USP46: variants seen among roughly 807,000 people sequenced by gnomAD.
The protein encoded by USP46 is ubiquitin specific peptidase 46, also known as ubiquitin carboxyl-terminal hydrolase 46.
In USP46, 12 loss-of-function variants were observed where a neutral mutation model predicts 44.4. The observed-to-expected ratio is 0.27, with a 90% CI of 0.17 to 0.44. USP46 has a LOEUF of 0.44. Ranked by LOEUF, USP46 falls within the 20% of genes least tolerant of loss-of-function variation. USP46 has a pLI of 1.00. For missense variants in USP46, 248 were observed against 444.8 expected (o/e 0.56, Z 3.98); for synonymous variants, 155 against 161.5 (o/e 0.96, Z 0.31).
intron 1 of USP46, among the ~76,000 whole-genome samples, chr4:52,649,834 T>C (rs1326126921): frequency 6.6e-6 from 1 of 152,184 alleles, no homozygotes; most frequent in Non-Finnish European, 1.5e-5. Flanking sequence ...GAGTTGTCAG[T>C]CTAACATGGT....
At chr4:52,598,762 ACTCTACTTAG>A (rs1258748662) in intron 7 of USP46, 56 bp from the exon 8 acceptor site, 3 of 1,495,048 alleles carry the variant, frequency 2.0e-6, no homozygotes, top group Non-Finnish European at 2.7e-6. Context: ...TCTTTATAAA[ACTCTACTTAG>A]CTCTTTATAA....
intron 4 of USP46, among the ~76,000 whole-genome samples, chr4:52,619,984 T>C (rs1249108492): frequency 6.6e-6 from 1 of 152,154 alleles, no homozygotes; most frequent in Non-Finnish European, 1.5e-5. Context: ...CAGAAAGACA[T>C]ACCTGCACAC....
chr4:52,638,719 G>A (rs911142265), intron 1 of USP46, among the ~76,000 whole-genome samples: 1 of 151,286 alleles, frequency 6.6e-6, no homozygotes, highest in Admixed American at 6.6e-5. Context: ...GCCCAATACT[G>A]CGTTCTCAGT....
intron 7 of USP46, 85 bp from the exon 8 acceptor site, chr4:52,598,791 T>G: frequency 7.6e-7 from 1 of 1,317,514 alleles, no homozygotes; most frequent in Non-Finnish European, 1.1e-6. Context: ...AAGCAGTGAT[T>G]CTCTGGGAAA....
At chr4:52,610,719 G>A (rs919727888) in intron 4 of USP46, 102 bp from the exon 5 acceptor site, 8 of 1,089,950 alleles carry the variant, frequency 7.3e-6, no homozygotes, top group Middle Eastern at 2.0e-4. Context: ...AACCATAACT[G>A]CAGTTAAAGT....
chr4:52,610,939 C>T (rs560358026), intron 4 of USP46, among the ~76,000 whole-genome samples: 2 of 152,194 alleles, frequency 1.3e-5, no homozygotes, highest in Admixed American at 6.5e-5. Flanking sequence ...CCATATAGCC[C>T]AGATTGCAGA....
intron 1 of USP46, among the ~76,000 whole-genome samples, chr4:52,636,048 T>G (rs990620884): frequency 2.0e-5 from 3 of 152,104 alleles, no homozygotes; most frequent in African/African-American, 7.2e-5. Context: ...AAAAGGAAAT[T>G]CAGGCTGTAG....
chr4:52,652,857 G>A (rs1394069581), intron 1 of USP46, among the ~76,000 whole-genome samples: 1 of 152,104 alleles, frequency 6.6e-6, no homozygotes. Flanking sequence ...GAGTACACGA[G>A]TATTCACTCT....
chr4:52,628,254 G>A (rs796231426), intron 2 of USP46, 91 bp from the exon 3 acceptor site: 14 of 1,304,380 alleles, frequency 1.1e-5, no homozygotes, highest in Middle Eastern at 2.5e-4. Flanking sequence ...TCCCTGCTCC[G>A]TGAACTGGCC....
In USP46 at chr4:52,615,756, A is replaced by G. The variant is rs73815961; in HGVS notation, c.562-5139T>C. Among the ~76,000 whole-genome samples, 1,401 of 152,300 alleles carry G rather than the reference A, an allele frequency of 9.2e-3. 17 individuals carry two copies. Among genetic ancestry groups the G allele is most frequent in the African/African-American group, 0.032 (1,330 of 41,560 alleles). On this transcript the variant is annotated intron_variant, in intron 4 of 8. Coordinates refer to ENST00000441222, the MANE Select transcript of USP46 (RefSeq NM_022832.4). ...TTAACTGCCAGTCATGAGGGATCTT[A>G]CTGGTGTGATGAAAATTTTCTAAAA...
At chr4:52,599,631 GACAACTAAGC>G (rs1716383526) in intron 7 of USP46, among the ~76,000 whole-genome samples, 1 of 152,118 alleles carries the variant, frequency 6.6e-6, no homozygotes, top group Non-Finnish European at 1.5e-5. Flanking sequence ...AAGCAGAAAG[GACAACTAAGC>G]ACCTGTTACT....
Position 52,597,461 on chromosome 4 carries a change from A to C in USP46, c.*179T>G, listed in dbSNP as rs555880812. ...GTTAACTCTATGTCAGACTGAAATA[A>C]AACCAAGAGTAGTGCTGCATGTAAA... On this transcript the variant is annotated 3_prime_UTR_variant, in exon 9 of 9. Coordinates refer to ENST00000441222, the MANE Select transcript of USP46 (RefSeq NM_022832.4). The C allele has an allele frequency of 1.8e-6, 1 of 557,580 alleles. No homozygotes were observed. The highest frequency in any genetic ancestry group is 1.9e-5 in the African/African-American group (1 of 51,478). The allele number at this position is 557,580 out of a possible 1,614,324, so 34.5% of individuals were successfully genotyped here.
chr4:52,635,902 A>G (rs1718095387), intron 1 of USP46, among the ~76,000 whole-genome samples: 1 of 152,146 alleles, frequency 6.6e-6, no homozygotes, highest in African/African-American at 2.4e-5. Context: ...TGGAGGATAA[A>G]GCTGTGTTGT....
At chr4:52,623,446 A>G (rs936741130) in intron 4 of USP46, among the ~76,000 whole-genome samples, 2 of 152,228 alleles carry the variant, frequency 1.3e-5, no homozygotes, top group Non-Finnish European at 2.9e-5. Flanking sequence ...AAAGTATATT[A>G]AAGGCTCTAA....
rs548836382 is a variant in USP46 at position 52,626,055 on chromosome 4, G to A, written c.524C>T (p.Thr175Met). Residue 175 changes from threonine to methionine, a missense_variant, in exon 4 of 9, where the codon ACG (threonine) becomes ATG (methionine). Around this residue, in one of 5 missense-constraint regions of USP46, gnomAD observed 98 missense variants for 218.2 expected, o/e 0.45. Coordinates refer to ENST00000441222, the MANE Select transcript of USP46 (RefSeq NM_022832.4). ...LTWVHEIFQG[T>M]LTNETRCLNC... is the part of the protein sequence containing the mutation. ...CAAGCATCGAGTTTCATTGGTAAGC[G>A]TTCCCTGAAAAATCTCATGGACCCA... The A allele has an allele frequency of 4.0e-5, 64 of 1,613,822 alleles. No homozygotes were observed. The highest frequency in any genetic ancestry group is 2.0e-4 in the East Asian group (9 of 44,876).
At chr4:52,620,935 A>G (rs1257250387) in intron 4 of USP46, among the ~76,000 whole-genome samples, 1 of 152,244 alleles carries the variant, frequency 6.6e-6, no homozygotes, top group Non-Finnish European at 1.5e-5. Context: ...ACCATACAGC[A>G]ATAAAAACGA....
At chr4:52,598,744 C>T (rs1369499854) in intron 7 of USP46, 38 bp from the exon 8 acceptor site, 4 of 1,551,560 alleles carry the variant, frequency 2.6e-6, no homozygotes, top group Non-Finnish European at 3.5e-6. Context: ...AGCAAGTTAA[C>T]ATTTATCTCT....
In USP46 at chr4:52,632,985, A is replaced by AAAGG. The variant is rs1553891297; in HGVS notation, c.37-1842_37-1841insCCTT. ...GAAAGAAAGAAAGAAAGAAAGAAAG[A>AAAGG]AAAGAAAAGAAAGAAAGAAAGAAAG... On this transcript the variant is annotated intron_variant, in intron 1 of 8. Coordinates refer to ENST00000441222, the MANE Select transcript of USP46 (RefSeq NM_022832.4). Among the ~76,000 whole-genome samples the AAAGG allele has an allele frequency of 4.5e-4, 24 of 53,316 alleles. 2 individuals carry two copies. The highest frequency in any genetic ancestry group is 1.8e-3 in the African/African-American group (22 of 12,118). 35.0% of individuals were successfully genotyped at this position (53,316 alleles called of 152,430 possible).
At chr4:52,616,907 T>G (rs573174508) in intron 4 of USP46, among the ~76,000 whole-genome samples, 1 of 152,246 alleles carries the variant, frequency 6.6e-6, no homozygotes, top group African/African-American at 2.4e-5. Flanking sequence ...ACAGGAGAAA[T>G]TAGAAAATAT....
Sources: gnomAD v4.1 joint callset for allele counts (sites outside exome capture counted in the v4.1 genomes callset) on GRCh38, gnomAD v4.1.1 for gene constraint, gnomAD v4.1.1 regional missense constraint, MANE v1.5 for transcripts, NCBI Gene and HGNC (gene_info 2026-07-23, HGNC 2026-07-21) for gene names.